PRKAR1B: variants seen among roughly 807,000 people sequenced by gnomAD.
The protein encoded by PRKAR1B is cAMP-dependent protein kinase type I-beta regulatory subunit.
PRKAR1B carries 22 observed loss-of-function variants against 46.5 expected under a neutral mutation model. That is an observed-to-expected ratio of 0.47 (90% CI 0.34 to 0.68). PRKAR1B has a LOEUF of 0.68. PRKAR1B is among the 30% of genes least tolerant of loss of function. The probability of loss-of-function intolerance (pLI) is 0.01; values close to 1 mark genes in which losing one functional copy is unlikely to be tolerated. For missense variants in PRKAR1B, 445 were observed against 535.6 expected, an observed-to-expected ratio of 0.83 and a Z score of 1.67; for synonymous variants, 259 against 217.7, an observed-to-expected ratio of 1.19 and a Z score of -1.67.
chr7:670,185 A>T (rs1786156447), intron 4 of PRKAR1B, among the ~76,000 whole-genome samples: 1 of 152,040 alleles, frequency 6.6e-6, no homozygotes, highest in Non-Finnish European at 1.5e-5. Flanking sequence ...CCATTTTTTT[A>T]GGGTTTGGAT....
rs930373757 is a variant in PRKAR1B, at chr7:664,214, A to G, written c.440+13015T>C. Among the ~76,000 whole-genome samples, 9 of 152,256 alleles carry G rather than the reference A, an allele frequency of 5.9e-5. No individual in the cohort carries two copies. The East Asian group carries it at 1.4e-3, about 23-fold the overall frequency. On this transcript the variant is annotated intron_variant, in intron 4 of 10. Coordinates refer to ENST00000537384, the MANE Select transcript of PRKAR1B (RefSeq NM_001164760.2). ...GCAGGCGACGGGGCTATTTTTAGTGACCAGGGCTCAAGAATGGAGCCATGC... is the reference window on the plus strand; with the variant it reads ...GCAGGCGACGGGGCTATTTTTAGTGGCCAGGGCTCAAGAATGGAGCCATGC...
In PRKAR1B at chr7:569,507, G is replaced by A. The variant is rs371695664; in HGVS notation, c.891+9749C>T. On this transcript the variant is annotated intron_variant, in intron 9 of 10. Transcript: ENST00000537384. ...CCGTGACGTGCCCGGGACACAGCCC[G>A]TTGTGCCCAAGGCCCTGGGGGAGCT... 4.8e-4 allele frequency among the ~76,000 whole-genome samples: 73 copies of A among 152,364 alleles called. 1 individual carries two copies. In the East Asian group the frequency reaches 0.013, roughly 27 times the overall value.
At chr7:706,230 G>A (rs1027477331) in intron 2 of PRKAR1B, among the ~76,000 whole-genome samples, 3 of 152,076 alleles carry the variant, frequency 2.0e-5, no homozygotes, top group Admixed American at 2.0e-4. Flanking sequence ...GGAAGCTGAG[G>A]TGGGAAGATG....
upstream of PRKAR1B, among the ~76,000 whole-genome samples, chr7:727,952 G>A (rs1327250345): frequency 1.3e-5 from 2 of 151,698 alleles, no homozygotes; most frequent in Non-Finnish European, 2.9e-5. Context: ...TCCCTCGGGG[G>A]CTTGCAGGAC....
intron 4 of PRKAR1B, among the ~76,000 whole-genome samples, chr7:611,298 G>A (rs983532996): frequency 6.6e-6 from 1 of 152,152 alleles, no homozygotes; most frequent in African/African-American, 2.4e-5. Context: ...TCTGTGCCCT[G>A]GACTGGTCTC....
In PRKAR1B at chr7:711,348, T is replaced by C. The variant is rs189408478; in HGVS notation, c.158A>G (p.His53Arg). The change falls in exon 2 of 11, where the codon CAC becomes CGC. Residue 53 changes from histidine to arginine, a missense_variant. Transcript: ENST00000537384. The part of the protein sequence containing the change: ...PERPMKFLRE[H>R]FEKLEKEENR... ...ACTCACCTTCTCCAGCTTCTCGAAGTGCTCCCGGAGGAACTTCATGGGGCG... is the reference window on the plus strand; with the variant it reads ...ACTCACCTTCTCCAGCTTCTCGAAGCGCTCCCGGAGGAACTTCATGGGGCG... 2 of 1,614,172 alleles carry C rather than the reference T, an allele frequency of 1.2e-6. No homozygotes were observed. Among genetic ancestry groups the C allele is most frequent in the Non-Finnish European group, 1.7e-6 (2 of 1,180,000 alleles).
rs1028207077 is a variant in PRKAR1B, at chr7:614,969, C to T, written c.441-7517G>A. On this transcript the variant is annotated intron_variant, in intron 4 of 10. Coordinates refer to ENST00000537384, the MANE Select transcript of PRKAR1B (RefSeq NM_001164760.2). ...GCATGCACCTGTGGTCCCAGCTACT[C>T]GGGAGGCTGAGGCAGGAGGATTGCT... Among the ~76,000 whole-genome samples, 33 of 151,326 alleles carry T rather than the reference C, an allele frequency of 2.2e-4. 1 individual carries two copies. The highest frequency in any genetic ancestry group is 7.8e-4 in the East Asian group (4 of 5,142).
intron 2 of PRKAR1B, among the ~76,000 whole-genome samples, chr7:684,226 A>G (rs1007463199): frequency 3.3e-5 from 5 of 152,166 alleles, no homozygotes; most frequent in Non-Finnish European, 7.3e-5. Context: ...GTGCCAGCCA[A>G]TTCTGTCTCC....
intron 9 of PRKAR1B, among the ~76,000 whole-genome samples, chr7:568,541 T>G (rs1779308895): frequency 6.6e-6 from 1 of 152,180 alleles, no homozygotes; most frequent in South Asian, 2.1e-4. Context: ...GGCCCCGGCT[T>G]CACTCAACAT....
Position 586,778 on chromosome 7 carries a change from C to T in PRKAR1B, c.709-2210G>A, listed in dbSNP as rs1236902736. On this transcript the variant is annotated intron_variant, in intron 7 of 10. Transcript: ENST00000537384. ...CTAGGTTAAGATAGAAAACTATAAA[C>T]TCTTCTGAGTCCTGCAGGCGGCTGG... Among the ~76,000 whole-genome samples the T allele has an allele frequency of 2.0e-5, 3 of 152,316 alleles. No individual in the cohort carries two copies. In the East Asian group the frequency reaches 5.8e-4, roughly 29 times the overall value.
chr7:698,600 G>T (rs1486559826), intron 2 of PRKAR1B, among the ~76,000 whole-genome samples: 1 of 151,906 alleles, frequency 6.6e-6, no homozygotes. Flanking sequence ...GTGACCATAT[G>T]CACATCTAGT....
intron 4 of PRKAR1B, among the ~76,000 whole-genome samples, chr7:618,039 G>A (rs987144828): frequency 5.2e-5 from 7 of 135,018 alleles, no homozygotes; most frequent in African/African-American, 7.9e-5. Flanking sequence ...CCCCCTCACC[G>A]CCCCCACCAA....
In PRKAR1B at chr7:711,408, T is replaced by C; in HGVS notation, c.98A>G (p.Asp33Gly). 2 of 1,614,144 alleles carry C rather than the reference T, an allele frequency of 1.2e-6. No homozygotes were observed. Among genetic ancestry groups the C allele is most frequent in the Non-Finnish European group, 1.7e-6 (2 of 1,180,008 alleles). Residue 33 changes from aspartate to glycine, a missense_variant, in exon 2 of 11, where the codon GAC (aspartate) becomes GGC (glycine). Around this residue, in one of 5 missense-constraint regions of PRKAR1B, gnomAD observed 155 missense variants for 127.5 expected, o/e 1.22. Transcript: ENST00000537384. ...QLHGIQQVLK[D>G]CIVHLCISKP... is the part of the protein sequence containing the mutation. ...GGAGATGCAGAGGTGGACGATACAG[T>C]CTTTGAGGACCTGCTGGATCCCGTG...
In PRKAR1B at chr7:635,963, C is replaced by G. The variant is rs965228166; in HGVS notation, c.441-28511G>C. 1.5e-3 allele frequency among the ~76,000 whole-genome samples: 170 copies of G among 113,544 alleles called. 1 individual carries two copies. The highest frequency in any genetic ancestry group is 2.5e-3 in the Non-Finnish European group (130 of 51,294). The allele number at this position is 113,544 out of a possible 152,430, so 74.5% of individuals were successfully genotyped here. A position where few individuals can be genotyped will look rare whatever the true frequency, so the allele number is the denominator to read the frequency against. ...CCACACATCCTCCACCGGCCGCGCC[C>G]TCACGTCCTCCACCGGCCGCGCCCT... On this transcript the variant is annotated intron_variant, in intron 4 of 10. Coordinates refer to ENST00000537384, the MANE Select transcript of PRKAR1B (RefSeq NM_001164760.2).
chr7:659,528 G>A (rs1372210309), intron 4 of PRKAR1B, among the ~76,000 whole-genome samples: 3 of 152,152 alleles, frequency 2.0e-5, no homozygotes, highest in African/African-American at 7.2e-5. Flanking sequence ...CAGCTGTGAG[G>A]AAGGGAGCTG....
At chr7:649,960 G>T (rs1360538180) in intron 4 of PRKAR1B, among the ~76,000 whole-genome samples, 1 of 150,858 alleles carries the variant, frequency 6.6e-6, no homozygotes, top group Non-Finnish European at 1.5e-5. Context: ...GTAGCTGCAT[G>T]AGCCACCAGG....
At chr7:724,986 G>A (rs939843409) in intron 1 of PRKAR1B, among the ~76,000 whole-genome samples, 4 of 152,166 alleles carry the variant, frequency 2.6e-5, no homozygotes, top group Admixed American at 1.3e-4. Flanking sequence ...AGGCTGAGGC[G>A]GGCGGATCAC....
chr7:702,941 T>C (rs1780140867), intron 2 of PRKAR1B, among the ~76,000 whole-genome samples: 1 of 151,926 alleles, frequency 6.6e-6, no homozygotes, highest in South Asian at 2.1e-4. Flanking sequence ...ATTTTCTTTT[T>C]AAAAAGTGGA....
At chr7:677,385 A>G (rs1264428719) in intron 3 of PRKAR1B, 65 bp from the exon 4 acceptor site, 11 of 1,365,742 alleles carry the variant, frequency 8.1e-6, no homozygotes, top group Non-Finnish European at 1.2e-5. Context: ...GCGGCCTGAA[A>G]TCTCCCTACT....
Sources: gnomAD v4.1 joint callset for allele counts (sites outside exome capture counted in the v4.1 genomes callset) on GRCh38, gnomAD v4.1.1 for gene constraint, gnomAD v4.1.1 regional missense constraint, MANE v1.5 for transcripts, NCBI Gene and HGNC (gene_info 2026-07-23, HGNC 2026-07-21) for gene names.